IKZF2: variants seen among roughly 807,000 people sequenced by gnomAD.
The protein encoded by IKZF2 is zinc finger protein Helios.
Under a neutral mutation model 49.2 loss-of-function variants are expected in IKZF2, and 15 were observed. The observed-to-expected ratio is 0.30, with a 90% CI of 0.20 to 0.47. The LOEUF is 0.47. Among genes scored for constraint, IKZF2 ranks in the 20% least tolerant of loss-of-function variants. IKZF2 has a pLI of 1.00. For missense variants in IKZF2, 567 were observed against 664.6 expected (o/e 0.85, Z 1.61); for synonymous variants, 227 against 221.4 (o/e 1.03, Z -0.23).
intron 4 of IKZF2, chr2:213,097,816 T>G (rs777741605): frequency 6.0e-5 from 10 of 165,476 alleles, no homozygotes; most frequent in Non-Finnish European, 9.4e-5. Flanking sequence ...ATTTTATTTG[T>G]AATTAAAAGG....
At chr2:213,127,459 C>A (rs2060304413) in intron 4 of IKZF2, among the ~76,000 whole-genome samples, 1 of 152,174 alleles carries the variant, frequency 6.6e-6, no homozygotes. Context: ...AACTAAGATA[C>A]TATTTTCCAA....
intron 4 of IKZF2, among the ~76,000 whole-genome samples, chr2:213,086,212 T>G (rs1382173425): frequency 6.6e-6 from 1 of 152,136 alleles, no homozygotes; most frequent in African/African-American, 2.4e-5. Flanking sequence ...TTCTTGGTAT[T>G]CAAATATAAC....
chr2:213,104,319 G>C (rs2059450342), intron 4 of IKZF2, among the ~76,000 whole-genome samples: 1 of 151,612 alleles, frequency 6.6e-6, no homozygotes. Context: ...GTAAACCACA[G>C]GGCAGAGGCA....
chr2:213,032,562 C>G (rs1032745859), intron 6 of IKZF2, among the ~76,000 whole-genome samples: 1 of 152,004 alleles, frequency 6.6e-6, no homozygotes, highest in African/African-American at 2.4e-5. Flanking sequence ...GATGAAATCT[C>G]ATCTCTATAA....
chr2:213,061,446 C>T (rs1293905573), intron 4 of IKZF2, among the ~76,000 whole-genome samples: 1 of 150,744 alleles, frequency 6.6e-6, no homozygotes, highest in African/African-American at 2.4e-5. Context: ...TTAATCCAAT[C>T]AATGTCATAA....
At chr2:213,024,374 G>A (rs538810519) in intron 6 of IKZF2, among the ~76,000 whole-genome samples, 2 of 152,120 alleles carry the variant, frequency 1.3e-5, no homozygotes, top group African/African-American at 4.8e-5. Flanking sequence ...AGGCTAAAAT[G>A]TAAAGTGGAA....
At position 213,001,080 on chromosome 2, in the gene IKZF2, A is replaced by C. The variant is rs1180268560; in HGVS notation, c.*6280T>G. ...AGAATAGGTCAGAAAAGAAAAAAAA[A>C]TCACCATAGTTTTTAAGACTTCAAG... On this transcript the variant is annotated 3_prime_UTR_variant, in exon 9 of 9. Transcript: ENST00000434687. 3 of 151,912 alleles carry C rather than the reference A, an allele frequency of 2.0e-5. No individual in the cohort carries two copies. The highest frequency in any genetic ancestry group is 6.6e-5 in the Admixed American group (1 of 15,144). 9.4% of individuals were successfully genotyped at this position (151,912 alleles called of 1,614,324 possible). A position where few individuals can be genotyped will look rare whatever the true frequency, so the allele number is the denominator to read the frequency against.
intron 6 of IKZF2, among the ~76,000 whole-genome samples, chr2:213,027,295 G>A (rs1003490237): frequency 2.6e-5 from 4 of 152,096 alleles, no homozygotes; most frequent in African/African-American, 9.7e-5. Flanking sequence ...GAAATTTCCA[G>A]TAGTCATAGA....
intron 4 of IKZF2, among the ~76,000 whole-genome samples, chr2:213,116,029 C>T (rs1201708042): frequency 6.6e-6 from 1 of 152,112 alleles, no homozygotes; most frequent in African/African-American, 2.4e-5. Context: ...CTGTTTGAAC[C>T]TCTTTTAATG....
chr2:213,148,556 C>T lies in IKZF2; in HGVS notation c.34+40G>A, dbSNP rs373117889. On this transcript the variant is annotated intron_variant, in intron 3 of 8. Transcript: ENST00000434687. Reference sequence around the variant, plus strand: ...TAAAACACAGGTAATACAAAGGCAACTTTATTACCAATAACAAATCAATGA... The same window carrying T: ...TAAAACACAGGTAATACAAAGGCAATTTTATTACCAATAACAAATCAATGA... 401 of 1,476,104 alleles carry T rather than the reference C, an allele frequency of 2.7e-4. 2 individuals are homozygous for T. The highest frequency in any genetic ancestry group is 3.3e-4 in the Non-Finnish European group (349 of 1,060,410). The allele number at this position is 1,476,104 out of a possible 1,614,324, so 91.4% of individuals were successfully genotyped here. A position where few individuals can be genotyped will look rare whatever the true frequency, so the allele number is the denominator to read the frequency against.
rs1574770961 is a variant in IKZF2, at chr2:213,082,058, T to C, written c.140-24959A>G. ...AGAGCAAGTGGGACTCATGATCAAG[T>C]TAAAGGCAAGTGAGGCTGACTACAA... On this transcript the variant is annotated intron_variant, in intron 4 of 8. Coordinates refer to ENST00000434687, the MANE Select transcript of IKZF2 (RefSeq NM_001387220.1). Among the ~76,000 whole-genome samples the C allele has an allele frequency of 2.0e-5, 3 of 152,288 alleles. No homozygotes were observed. The South Asian group carries it at 6.2e-4, about 32-fold the overall frequency.
intron 4 of IKZF2, among the ~76,000 whole-genome samples, chr2:213,079,561 G>T (rs1300815555): frequency 1.2e-5 from 1 of 81,464 alleles, no homozygotes; most frequent in East Asian, 3.1e-4. Flanking sequence ...AAAGGGGAGA[G>T]AGAGAGACAG....
chr2:213,127,527 G>A (rs1005005607), intron 4 of IKZF2, among the ~76,000 whole-genome samples: 1 of 152,140 alleles, frequency 6.6e-6, no homozygotes, highest in East Asian at 1.9e-4. Flanking sequence ...GAATAATGAT[G>A]TGATACGGTA....
chr2:213,064,004 T>C (rs941538839), intron 4 of IKZF2, among the ~76,000 whole-genome samples: 1 of 152,030 alleles, frequency 6.6e-6, no homozygotes, highest in African/African-American at 2.4e-5. Flanking sequence ...CTGGGATGCA[T>C]GTCTCACTCA....
intron 4 of IKZF2, among the ~76,000 whole-genome samples, chr2:213,085,764 C>G (rs1258526135): frequency 6.6e-6 from 1 of 152,182 alleles, no homozygotes; most frequent in Non-Finnish European, 1.5e-5. Flanking sequence ...TAAGAACTAT[C>G]GCATCCTGCT....
intron 4 of IKZF2, among the ~76,000 whole-genome samples, chr2:213,117,333 C>A (rs1018214976): frequency 1.3e-3 from 192 of 152,286 alleles, no homozygotes; most frequent in African/African-American, 4.5e-3. Flanking sequence ...AGCTTAATAT[C>A]ATTTAATTCT....
intron 4 of IKZF2, 65 bp downstream of exon 4, chr2:213,147,643 C>T: frequency 1.7e-6 from 2 of 1,211,134 alleles, no homozygotes; most frequent in East Asian, 2.3e-5. Flanking sequence ...ACAGACCTAA[C>T]AAATTAAAGT....
chr2:213,047,464 A>G (rs1700260916), intron 6 of IKZF2, among the ~76,000 whole-genome samples: 1 of 152,162 alleles, frequency 6.6e-6, no homozygotes, highest in Non-Finnish European at 1.5e-5. Flanking sequence ...AGGTTAAGGT[A>G]GAGGTGGCCA....
intron 5 of IKZF2, among the ~76,000 whole-genome samples, chr2:213,055,101 A>G (rs1030771664): frequency 4.6e-5 from 7 of 152,036 alleles, no homozygotes; most frequent in African/African-American, 1.7e-4. Context: ...TTTTAGCTTA[A>G]AATTTAACAT....
Sources: allele counts gnomAD v4.1 joint callset (sites outside exome capture counted in the v4.1 genomes callset), GRCh38; gene constraint gnomAD v4.1.1; transcripts MANE v1.5; gene names NCBI Gene and HGNC (gene_info 2026-07-23, HGNC 2026-07-21).